RPGR: variants seen among roughly 807,000 people sequenced by gnomAD.
The protein encoded by RPGR is X-linked retinitis pigmentosa GTPase regulator.
In RPGR, 10 loss-of-function variants were observed where a neutral mutation model predicts 56.3. The ratio of observed to expected loss-of-function variants is 0.18; its 90% confidence interval spans 0.11 to 0.30. The LOEUF (loss-of-function observed/expected upper bound fraction) is 0.30, where lower values mean the gene tolerates loss of function less well. Ranked by LOEUF, RPGR falls within the 10% of genes least tolerant of loss-of-function variation. RPGR has a pLI of 1.00. For synonymous variants in RPGR, 197 were observed against 212.9 expected, an observed-to-expected ratio of 0.93 and a Z score of 0.65; for missense variants, 538 against 590.9, an observed-to-expected ratio of 0.91 and a Z score of 0.93.
chrX:38,326,387 A>G (rs1380996152), intron 1 of RPGR, among the ~76,000 whole-genome samples: 3 of 112,046 alleles, frequency 2.7e-5, no homozygotes, highest in Non-Finnish European at 3.8e-5. Flanking sequence ...GTCGTGACCT[A>G]TTAGTGGGCC....
intron 10 of RPGR, 109 bp from the exon 11 acceptor site, chrX:38,297,561 C>G (rs1237784502): frequency 6.4e-6 from 4 of 622,267 alleles, no homozygotes; most frequent in African/African-American, 2.3e-5. Context: ...TCAAAGTATG[C>G]CAACACTCCA....
At chrX:38,303,267 T>A (rs915818087) in intron 8 of RPGR, among the ~76,000 whole-genome samples, 2 of 109,847 alleles carry the variant, frequency 1.8e-5, no homozygotes, top group Admixed American at 2.0e-4. Context: ...AATGGGGAAC[T>A]GGCAAGAGCT....
chrX:38,269,927 A>C, intron 18 of RPGR: 1 of 623,646 alleles, frequency 1.6e-6, no homozygotes, highest in South Asian at 2.5e-5. Context: ...ACGTAAGAAC[A>C]TGATTTTGTC....
intron 17 of RPGR, chrX:38,273,542 T>C: frequency 2.4e-6 from 2 of 849,988 alleles, no homozygotes; most frequent in African/African-American, 3.9e-5. Flanking sequence ...CCTGATGCTC[T>C]CAGTGAAACT....
chrX:38,284,699 C>T, intron 15 of RPGR: 1 of 716,950 alleles, frequency 1.4e-6, no homozygotes, highest in African/African-American at 2.3e-5. Flanking sequence ...ACATGAATAA[C>T]AATAATGATA....
intron 6 of RPGR, among the ~76,000 whole-genome samples, chrX:38,311,259 T>C (rs945784067): frequency 8.9e-6 from 1 of 112,469 alleles, no homozygotes; most frequent in African/African-American, 3.2e-5. Context: ...CCCATTTAGA[T>C]GGCACTTCCT....
intron 1 of RPGR, among the ~76,000 whole-genome samples, 156 bp downstream of exon 1, chrX:38,327,184 C>A (rs1399365731): frequency 1.8e-5 from 2 of 113,400 alleles, no homozygotes; most frequent in Non-Finnish European, 3.7e-5. Context: ...CGGTCCTCTG[C>A]CCTCAGTCAT....
At chrX:38,306,798 T>G (rs1397932000) in intron 7 of RPGR, among the ~76,000 whole-genome samples, 1 of 112,220 alleles carries the variant, frequency 8.9e-6, no homozygotes, top group Non-Finnish European at 1.9e-5. Flanking sequence ...TTACAGAAGT[T>G]TTGTTCAGTA....
intron 8 of RPGR, chrX:38,303,643 T>G: frequency 3.5e-6 from 1 of 288,202 alleles, no homozygotes; most frequent in Non-Finnish European, 6.1e-6. Flanking sequence ...TAATGCTATT[T>G]CATGATACAT....
rs1250622539 is a variant in RPGR, at chrX:38,298,812, T to C, written c.1245+144A>G. On this transcript the variant is annotated intron_variant, in intron 10 of 18. Coordinates refer to ENST00000642395, the MANE Select transcript of RPGR (RefSeq NM_000328.3). ...AATTTTTCTGAATTAACTCTAAAAG[T>C]TTGTTAGCACTCAACTCTAATAATT... 8.5e-6 allele frequency: 5 copies of C among 588,267 alleles called. No homozygotes were observed. In the African/African-American group the frequency reaches 9.2e-5, roughly 11 times the overall value. The allele number at this position is 588,267 out of a possible 1,213,427, so 48.5% of individuals were successfully genotyped here.
chrX:38,304,680 T>C lies in RPGR; in HGVS notation c.889A>G (p.Ile297Val). ...TTTTCTCCACAAGAAATATAACTTATTGTTTGATCCCTAATATTCTCAATG... is the reference window on the plus strand; with the variant it reads ...TTTTCTCCACAAGAAATATAACTTACTGTTTGATCCCTAATATTCTCAATG... Residue 297 changes from isoleucine to valine, a missense_variant, in exon 8 of 19, where the codon ATA becomes GTA. Ile to Val is a conservative substitution (Grantham distance 29). Around this residue, in one of 2 missense-constraint regions of RPGR, gnomAD observed 181 missense variants for 265.1 expected, o/e 0.68. Coordinates refer to ENST00000642395, the MANE Select transcript of RPGR (RefSeq NM_000328.3). 8.3e-6 allele frequency: 10 copies of C among 1,202,776 alleles called. No homozygotes were observed. The highest frequency in any genetic ancestry group is 1.0e-5 in the Non-Finnish European group (9 of 887,276).
At chrX:38,296,733 GGTTAA>G (rs1180414350) in intron 11 of RPGR, among the ~76,000 whole-genome samples, 3 of 111,843 alleles carry the variant, frequency 2.7e-5, no homozygotes. Context: ...GGCTTAGAGA[GGTTAA>G]GTAACTTTCC....
intron 4 of RPGR, among the ~76,000 whole-genome samples, chrX:38,319,571 C>G (rs192653878): frequency 1.8e-5 from 2 of 112,010 alleles, no homozygotes; most frequent in African/African-American, 6.5e-5. Flanking sequence ...GCTGTGGGAC[C>G]TTGGGCAAGC....
chrX:38,270,789 C>T (rs750126476), intron 18 of RPGR, among the ~76,000 whole-genome samples: 1 of 110,163 alleles, frequency 9.1e-6, no homozygotes, highest in South Asian at 3.9e-4. Context: ...GCCCCGATAA[C>T]CCAGAGATTC....
intron 18 of RPGR, among the ~76,000 whole-genome samples, chrX:38,273,215 A>G (rs1017752011): frequency 8.9e-6 from 1 of 112,205 alleles, no homozygotes; most frequent in Non-Finnish European, 1.9e-5. Context: ...TTCAAATGCT[A>G]ACCAAAGGAA....
intron 7 of RPGR, among the ~76,000 whole-genome samples, chrX:38,306,616 A>T (rs150647233): frequency 0.029 from 3,273 of 112,575 alleles, 59 homozygotes; most frequent in Middle Eastern, 0.055. Flanking sequence ...CTTAGTTTAA[A>T]TAATAATCAC....
chrX:38,277,018 A>G (rs2066948008), intron 15 of RPGR, among the ~76,000 whole-genome samples: 2 of 111,326 alleles, frequency 1.8e-5, no homozygotes, highest in South Asian at 7.6e-4. Flanking sequence ...ACTAGCACCC[A>G]TGGCAAGGTT....
At chrX:38,318,665 C>T (rs1205317196) in intron 5 of RPGR, among the ~76,000 whole-genome samples, 164 bp downstream of exon 5, 1 of 111,397 alleles carries the variant, frequency 9.0e-6, no homozygotes, top group African/African-American at 3.3e-5. Context: ...CATAAAATTG[C>T]AGTATGTCAA....
chrX:38,298,539 G>A (rs375533454), intron 10 of RPGR: 6 of 239,246 alleles, frequency 2.5e-5, no homozygotes, highest in East Asian at 1.2e-4. Context: ...CAACAATACC[G>A]TATTGCACAC....
Sources: allele counts gnomAD v4.1 joint callset (sites outside exome capture counted in the v4.1 genomes callset), GRCh38; gene constraint gnomAD v4.1.1; regional missense constraint gnomAD v4.1.1; transcripts MANE v1.5; gene names NCBI Gene and HGNC (gene_info 2026-07-23, HGNC 2026-07-21).